PARD3: variants seen among roughly 807,000 people sequenced by gnomAD.
The protein encoded by PARD3 is partitioning defective 3 homolog.
In PARD3, 75 loss-of-function variants were observed where a neutral mutation model predicts 155.4. The observed-to-expected ratio is 0.48, with a 90% CI of 0.40 to 0.58. The LOEUF (loss-of-function observed/expected upper bound fraction) is 0.58. Among genes scored for constraint, PARD3 ranks in the 20% least tolerant of loss-of-function variants. The pLI is 0.00. For synonymous variants in PARD3, 576 were observed against 610.5 expected, an observed-to-expected ratio of 0.94 and a Z score of 0.83; for missense variants, 1,642 against 1,721.7, an observed-to-expected ratio of 0.95 and a Z score of 0.82.
chr10:34,558,535 G>A lies in PARD3; in HGVS notation c.223-41376C>T, dbSNP rs115924190. On this transcript the variant is annotated intron_variant, in intron 2 of 24. Coordinates refer to ENST00000374788, the MANE Select transcript of PARD3 (RefSeq NM_001184785.2). ...TATACTAAATCTGCAAGAGGCTGAA[G>A]CTATATTATTCCAGAGAAAGTGTGC... Among the ~76,000 whole-genome samples the A allele has an allele frequency of 2.9e-3, 435 of 152,300 alleles. 1 individual carries two copies. Among genetic ancestry groups the A allele is most frequent in the African/African-American group, 0.01 (421 of 41,556 alleles).
chr10:34,630,536 C>T (rs371922274), intron 2 of PARD3, among the ~76,000 whole-genome samples: 2 of 150,146 alleles, frequency 1.3e-5, no homozygotes, highest in African/African-American at 4.9e-5. Flanking sequence ...GCAACCTCCG[C>T]TTCCTGGGCT....
chr10:34,495,103 CA>C (rs2080182018), intron 3 of PARD3, among the ~76,000 whole-genome samples: 1 of 150,642 alleles, frequency 6.6e-6, no homozygotes, highest in South Asian at 2.1e-4. Context: ...TCGCAGGGGG[CA>C]AAAGAAAATG....
chr10:34,746,071 C>T lies in PARD3; in HGVS notation c.121-49652G>A, dbSNP rs111854817. 9.1e-3 allele frequency among the ~76,000 whole-genome samples: 1,378 copies of T among 152,144 alleles called. 26 individuals carry two copies. Among genetic ancestry groups the T allele is most frequent in the African/African-American group, 0.031 (1,287 of 41,502 alleles). ...GAGCCTAGATCGCACCGCTGCACTC[C>T]AGCCTGGGCGACAGAGCAAGACTCC... On this transcript the variant is annotated intron_variant, in intron 1 of 24. Transcript: ENST00000374788.
In PARD3 at chr10:34,162,332, C is replaced by T. The variant is rs1564445026; in HGVS notation, c.3420-30749G>A. On this transcript the variant is annotated intron_variant, in intron 22 of 24. Transcript: ENST00000374788. ...AACTGTTAAGGGGGGCAACTGGCAA[C>T]CTGCTTTCAGGATCCCTCTTTTTGC... Among the ~76,000 whole-genome samples, 4 of 152,270 alleles carry T rather than the reference C, an allele frequency of 2.6e-5. No individual in the cohort carries two copies. The South Asian group carries it at 8.3e-4, about 32-fold the overall frequency.
chr10:34,448,131 C>CTG (rs1303608645), intron 5 of PARD3, among the ~76,000 whole-genome samples: 1 of 112,752 alleles, frequency 8.9e-6, no homozygotes, highest in Non-Finnish European at 1.8e-5. Context: ...GTGATATACA[C>CTG]TGCGTGTGTG....
intron 20 of PARD3, among the ~76,000 whole-genome samples, chr10:34,315,415 C>G (rs1484519784): frequency 6.6e-6 from 1 of 152,166 alleles, no homozygotes; most frequent in Non-Finnish European, 1.5e-5. Context: ...AAGACCAGAA[C>G]AGAGCACTTA....
At chr10:34,544,203 T>C (rs73267319) in intron 2 of PARD3, among the ~76,000 whole-genome samples, 8,340 of 152,238 alleles carry the variant, frequency 0.055, 673 homozygotes, top group African/African-American at 0.18. Flanking sequence ...TTTAAGTGAA[T>C]AAAATTCACT....
intron 1 of PARD3, among the ~76,000 whole-genome samples, chr10:34,783,419 A>G (rs951135804): frequency 2.6e-5 from 4 of 151,820 alleles, no homozygotes; most frequent in Non-Finnish European, 4.4e-5. Context: ...CCTGGCTAAC[A>G]TGGTGAAACC....
chr10:34,734,219 A>G (rs2133833779), intron 1 of PARD3, among the ~76,000 whole-genome samples: 1 of 152,154 alleles, frequency 6.6e-6, no homozygotes, highest in South Asian at 2.1e-4. Flanking sequence ...CATTATATCA[A>G]CAAAGCACTA....
intron 22 of PARD3, among the ~76,000 whole-genome samples, chr10:34,238,883 C>T (rs575759621): frequency 6.6e-6 from 1 of 152,134 alleles, no homozygotes; most frequent in East Asian, 1.9e-4. Flanking sequence ...CACTGTACAG[C>T]CATGAATATA....
chr10:34,459,439 G>A (rs1309228216), intron 4 of PARD3, among the ~76,000 whole-genome samples: 1 of 152,102 alleles, frequency 6.6e-6, no homozygotes, highest in African/African-American at 2.4e-5. Context: ...CCAAAGTGCT[G>A]GGATTACAGG....
chr10:34,577,189 G>C (rs2086959301), intron 2 of PARD3, among the ~76,000 whole-genome samples: 1 of 152,138 alleles, frequency 6.6e-6, no homozygotes, highest in Non-Finnish European at 1.5e-5. Context: ...TTAAAACTTA[G>C]CCTGCATTTC....
rs1239129606 is a variant in PARD3 at position 34,815,110 on chromosome 10, G to GGCTAGGGGCGCGGGCA, written c.-131_-116dup. 2 of 539,248 alleles carry GGCTAGGGGCGCGGGCA rather than the reference G, an allele frequency of 3.7e-6. No individual in the cohort carries two copies. The highest frequency in any genetic ancestry group is 4.1e-5 in the African/African-American group (2 of 48,196). 33.4% of individuals were successfully genotyped at this position (539,248 alleles called of 1,614,324 possible). On this transcript the variant is annotated 5_prime_UTR_variant, in exon 1 of 25. Coordinates refer to ENST00000374788, the MANE Select transcript of PARD3 (RefSeq NM_001184785.2). ...CCGCTGGGGACTCGGGCGCGCGGGCGGCTAGGGGCGCGGGCAGGCGGCGGC... is the reference window on the plus strand; with the variant it reads ...CCGCTGGGGACTCGGGCGCGCGGGCGGCTAGGGGCGCGGGCAGCTAGGGGCGCGGGCAGGCGGCGGC...
At position 34,814,758 on chromosome 10, in the gene PARD3, C is replaced by T. The variant is rs563376068; in HGVS notation, c.120+118G>A. Reference sequence around the variant, plus strand: ...GGGGCGCCCGCGAGGCCCGACCGGCCGCACTTTCCCTTTCCCCGCCTCCCT... The same window carrying T: ...GGGGCGCCCGCGAGGCCCGACCGGCTGCACTTTCCCTTTCCCCGCCTCCCT... On this transcript the variant is annotated intron_variant, in intron 1 of 24. Coordinates refer to ENST00000374788, the MANE Select transcript of PARD3 (RefSeq NM_001184785.2). 3.0e-4 allele frequency: 272 copies of T among 903,556 alleles called. 2 individuals carry two copies. The highest frequency in any genetic ancestry group is 1.9e-3 in the South Asian group (105 of 55,032). 56.0% of individuals were successfully genotyped at this position (903,556 alleles called of 1,614,324 possible).
At chr10:34,132,671 G>A (rs1247448332) in intron 22 of PARD3, among the ~76,000 whole-genome samples, 3 of 152,174 alleles carry the variant, frequency 2.0e-5, no homozygotes, top group African/African-American at 7.2e-5. Context: ...TGACGTGGAC[G>A]GGAGACAGGG....
intron 22 of PARD3, among the ~76,000 whole-genome samples, chr10:34,218,493 C>T (rs943436587): frequency 6.6e-6 from 1 of 152,168 alleles, no homozygotes; most frequent in African/African-American, 2.4e-5. Context: ...ACCCAACCCT[C>T]CACAAACCTA....
At chr10:34,486,693 G>A (rs1267927089) in intron 3 of PARD3, among the ~76,000 whole-genome samples, 1 of 152,176 alleles carries the variant, frequency 6.6e-6, no homozygotes, top group Non-Finnish European at 1.5e-5. Flanking sequence ...TCTTGTTAAA[G>A]AGCTTCAGTA....
At chr10:34,528,281 A>G (rs2133770668) in intron 2 of PARD3, among the ~76,000 whole-genome samples, 1 of 152,314 alleles carries the variant, frequency 6.6e-6, no homozygotes. Flanking sequence ...TTTAAAGAAA[A>G]TCTATTCTAA....
chr10:34,311,145 G>A (rs1365477846), intron 20 of PARD3, among the ~76,000 whole-genome samples: 3 of 152,158 alleles, frequency 2.0e-5, no homozygotes, highest in Non-Finnish European at 4.4e-5. Flanking sequence ...GGGCGGGGGC[G>A]AGGGTAGAAC....
Sources: allele counts gnomAD v4.1 joint callset (sites outside exome capture counted in the v4.1 genomes callset), GRCh38; gene constraint gnomAD v4.1.1; transcripts MANE v1.5; gene names NCBI Gene and HGNC (gene_info 2026-07-23, HGNC 2026-07-21).